ETFRF1: variants seen among roughly 807,000 people sequenced by gnomAD.
ETFRF1 encodes the protein electron transfer flavoprotein regulatory factor 1.
ETFRF1 carries 12 observed loss-of-function variants against 9.0 expected under a neutral mutation model. The observed-to-expected ratio is 1.34, with a 90% CI of 0.86 to 2.16. The LOEUF (loss-of-function observed/expected upper bound fraction) is 2.16, where lower values mean the gene tolerates loss of function less well. Among genes scored for constraint, ETFRF1 ranks in the 30% most tolerant of loss-of-function variants. The probability of loss-of-function intolerance (pLI) is 0.00; values close to 1 mark genes in which losing one functional copy is unlikely to be tolerated. For synonymous variants in ETFRF1, 34 were observed against 33.2 expected (o/e 1.02, Z -0.08); for missense variants, 98 against 101.8 (o/e 0.96, Z 0.16).
chr12:25,199,238 AAAAAT>A (rs897542048), intron 1 of ETFRF1, among the ~76,000 whole-genome samples: 1 of 149,292 alleles, frequency 6.7e-6, no homozygotes, highest in African/African-American at 2.4e-5. Flanking sequence ...CCATAGAAAC[AAAAAT>A]AAAAGGAATT....
At chr12:25,197,245 C>T (rs1254946952) in intron 1 of ETFRF1, among the ~76,000 whole-genome samples, 1 of 151,952 alleles carries the variant, frequency 6.6e-6, no homozygotes, top group Non-Finnish European at 1.5e-5. Context: ...TACATTTTTG[C>T]TGGGCAAGTG....
chr12:25,203,868 TTTTTTTAA>T (rs1275741193), intron 1 of ETFRF1, 44 bp from the exon 2 acceptor site: 1 of 1,031,188 alleles, frequency 9.7e-7, no homozygotes, highest in African/African-American at 1.7e-5. Context: ...CCTTTTTTTA[TTTTTTTAA>T]GACTACAATG....
intron 1 of ETFRF1, among the ~76,000 whole-genome samples, chr12:25,197,398 G>A (rs1038990958): frequency 5.3e-5 from 8 of 152,284 alleles, no homozygotes; most frequent in African/African-American, 1.2e-4. Context: ...TTTGCAATTC[G>A]AAATTACATC....
chr12:25,204,189 G>C lies in ETFRF1; in HGVS notation c.150G>C (p.Glu50Asp). ...AAAACAAAGATGTGAAGAATCCAGA[G>C]AAGATCAAAGAACTTATTGCACAGG... ...FLKNKDVKNP[E>D]KIKELIAQGE... Residue 50 changes from glutamate (E) to aspartate (D), a missense_variant, in exon 3 of 3, where the codon GAG (glutamate) becomes GAC (aspartate). Physicochemically the swap from Glu to Asp is conservative, Grantham distance 45. Coordinates refer to ENST00000381356, the MANE Select transcript of ETFRF1 (RefSeq NM_001001660.3). The C allele has an allele frequency of 1.2e-6, 2 of 1,613,030 alleles. No individual in the cohort carries two copies. Among genetic ancestry groups the C allele is most frequent in the East Asian group, 2.2e-5 (1 of 44,786 alleles).
At chr12:25,199,067 A>G (rs1193183379) in intron 1 of ETFRF1, among the ~76,000 whole-genome samples, 2 of 151,956 alleles carry the variant, frequency 1.3e-5, no homozygotes, top group African/African-American at 4.8e-5. Flanking sequence ...TATTTTTTTA[A>G]GTTTTGCTGA....
intron 1 of ETFRF1, chr12:25,203,630 A>C: frequency 4.5e-6 from 1 of 220,638 alleles, no homozygotes; most frequent in Non-Finnish European, 8.7e-6. Context: ...GCATAAAAGG[A>C]GGTACACGTA....
At chr12:25,197,644 T>C (rs1951041286) in intron 1 of ETFRF1, among the ~76,000 whole-genome samples, 1 of 152,076 alleles carries the variant, frequency 6.6e-6, no homozygotes, top group South Asian at 2.1e-4. Context: ...TTTTTTTACT[T>C]TTAGTAGAGA....
chr12:25,198,252 G>A (rs1343978465), intron 1 of ETFRF1, among the ~76,000 whole-genome samples: 1 of 152,126 alleles, frequency 6.6e-6, no homozygotes, highest in African/African-American at 2.4e-5. Context: ...GTGAATTTAG[G>A]AATACATAAT....
intron 1 of ETFRF1, among the ~76,000 whole-genome samples, chr12:25,202,061 T>TAAAAAAAAAAAAAAAAAA (rs1951077531): frequency 1.8e-4 from 1 of 5,704 alleles, no homozygotes; most frequent in African/African-American, 2.6e-4. Flanking sequence ...TCTACTGAAA[T>TAAAAAAAAAAAAAAAAAA]ACAAAAAAAA....
chr12:25,198,965 T>C (rs1951052761), intron 1 of ETFRF1, among the ~76,000 whole-genome samples: 1 of 152,150 alleles, frequency 6.6e-6, no homozygotes, highest in Non-Finnish European at 1.5e-5. Flanking sequence ...TACCCACGAA[T>C]TGGCAGCCTT....
chr12:25,201,344 T>C (rs1326830284), intron 1 of ETFRF1, among the ~76,000 whole-genome samples: 1 of 152,214 alleles, frequency 6.6e-6, no homozygotes, highest in Non-Finnish European at 1.5e-5. Context: ...AGACTAGGGC[T>C]GTTTGGCTTT....
chr12:25,200,845 T>C (rs1001667381), intron 1 of ETFRF1, among the ~76,000 whole-genome samples: 1 of 152,224 alleles, frequency 6.6e-6, no homozygotes, highest in Admixed American at 6.5e-5. Context: ...CATGGTCAAG[T>C]AGGATTCCAG....
At chr12:25,203,772 A>T (rs187891536) in intron 1 of ETFRF1, 148 bp from the exon 2 acceptor site, 80 of 462,614 alleles carry the variant, frequency 1.7e-4, no homozygotes, top group Non-Finnish European at 2.8e-4. Flanking sequence ...AGTGTTTATA[A>T]CTATATCCCA....
At chr12:25,200,448 A>G (rs1202976981) in intron 1 of ETFRF1, among the ~76,000 whole-genome samples, 1 of 152,204 alleles carries the variant, frequency 6.6e-6, no homozygotes, top group African/African-American at 2.4e-5. Context: ...TTATCAACAC[A>G]TCACTAACAT....
intron 1 of ETFRF1, among the ~76,000 whole-genome samples, chr12:25,199,768 A>G (rs1951060537): frequency 6.6e-6 from 1 of 152,054 alleles, no homozygotes; most frequent in African/African-American, 2.4e-5. Context: ...CTACTCTATT[A>G]TAATTTTTGA....
Position 25,204,197 on chromosome 12 carries a change from A to G in ETFRF1, c.158A>G (p.Lys53Arg), listed in dbSNP as rs1460986364. The change falls in exon 3 of 3, where the codon AAA becomes AGA. Residue 53 changes from lysine to arginine, a missense_variant. Coordinates refer to ENST00000381356, the MANE Select transcript of ETFRF1 (RefSeq NM_001001660.3). ...NKDVKNPEKIKELIAQGEFVM... is the reference protein window; with the variant it reads ...NKDVKNPEKIRELIAQGEFVM... ...GATGTGAAGAATCCAGAGAAGATCA[A>G]AGAACTTATTGCACAGGGCGAATTT... is the stretch of plus-strand genomic sequence containing the variant. 1.2e-6 allele frequency: 2 copies of G among 1,613,198 alleles called. No homozygotes were observed. Among genetic ancestry groups the G allele is most frequent in the East Asian group, 2.2e-5 (1 of 44,804 alleles).
chr12:25,196,741 G>C (rs1273318407), intron 1 of ETFRF1, among the ~76,000 whole-genome samples: 1 of 152,144 alleles, frequency 6.6e-6, no homozygotes, highest in African/African-American at 2.4e-5. Flanking sequence ...CAGAGTTCAG[G>C]AGCAGCCTCA....
Position 25,204,315 on chromosome 12 carries a change from A to G in ETFRF1, c.*3A>G. On this transcript the variant is annotated 3_prime_UTR_variant, in exon 3 of 3. Transcript: ENST00000381356. ...CAGATACCAACAAAACTAATTGATC[A>G]TTACTACTTTAATTTAGCTATCAGT... 1 of 1,555,890 alleles carries G rather than the reference A, an allele frequency of 6.4e-7. No individual in the cohort carries two copies. The highest frequency in any genetic ancestry group is 8.6e-7 in the Non-Finnish European group (1 of 1,157,390).
intron 1 of ETFRF1, chr12:25,195,595 G>T: frequency 5.5e-6 from 1 of 181,474 alleles, no homozygotes; most frequent in Non-Finnish European, 1.2e-5. Context: ...CAGGGGGATG[G>T]GGCTCATTCC....
Sources: allele counts gnomAD v4.1 joint callset (sites outside exome capture counted in the v4.1 genomes callset), GRCh38; gene constraint gnomAD v4.1.1; transcripts MANE v1.5; gene names NCBI Gene and HGNC (gene_info 2026-07-23, HGNC 2026-07-21).